Variants in CASZ1 observed in about 807,000 individuals in gnomAD.
The protein encoded by CASZ1 is castor zinc finger 1.
A neutral mutation model predicts 135.2 loss-of-function variants in CASZ1; 28 were observed. The ratio of observed to expected loss-of-function variants is 0.21; its 90% confidence interval spans 0.15 to 0.28. The LOEUF (loss-of-function observed/expected upper bound fraction) is 0.28. Among genes scored for constraint, CASZ1 ranks in the 10% least tolerant of loss-of-function variants. The pLI is 1.00. For synonymous variants in CASZ1, 1,068 were observed against 1,073.4 expected (o/e 0.99, Z 0.10); for missense variants, 2,161 against 2,453.3 (o/e 0.88, Z 2.52).
Position 10,709,964 on chromosome 1 carries a change from C to T in CASZ1, c.-76-4420G>A, listed in dbSNP as rs183295308. On this transcript the variant is annotated intron_variant, in intron 2 of 20. Coordinates refer to ENST00000377022, the MANE Select transcript of CASZ1 (RefSeq NM_001079843.3). This position sits in a 1 kb window ranked among gnomAD's most constrained non-coding sequence, Gnocchi z 5.1. ...GGGGTGGCTGTCCAGACCCCGGAGTCGGAGCAGGCCTCCGGATTGGCTCTG... is the reference window on the plus strand; with the variant it reads ...GGGGTGGCTGTCCAGACCCCGGAGTTGGAGCAGGCCTCCGGATTGGCTCTG... Among the ~76,000 whole-genome samples the T allele has an allele frequency of 4.6e-5, 7 of 152,156 alleles. No homozygotes were observed. The highest frequency in any genetic ancestry group is 1.4e-4 in the African/African-American group (6 of 41,442).
intron 2 of CASZ1, among the ~76,000 whole-genome samples, chr1:10,728,892 G>GC (rs1298420205): frequency 7.2e-5 from 11 of 152,236 alleles, no homozygotes; most frequent in African/African-American, 1.9e-4. Context: ...CACGGGGGCC[G>GC]CAGGCCCTTT....
rs527266834 is a variant in CASZ1, at chr1:10,646,572, G to A, written c.3498-246C>T. On this transcript the variant is annotated intron_variant, in intron 16 of 20. Coordinates refer to ENST00000377022, the MANE Select transcript of CASZ1 (RefSeq NM_001079843.3). The surrounding 1 kb of genome is among the most constrained non-coding windows in gnomAD (Gnocchi z 6.4). ...GATTGCAATATGCAGGGTGCCCAGA[G>A]CATTGCATGCTGGGACAAGTAGTTT... 2.0e-5 allele frequency among the ~76,000 whole-genome samples: 3 copies of A among 152,374 alleles called. No individual in the cohort carries two copies. The highest frequency in any genetic ancestry group is 4.1e-4 in the South Asian group (2 of 4,832).
In CASZ1 at chr1:10,654,211, C is replaced by T. The variant is rs369177667; in HGVS notation, c.1846G>A (p.Gly616Ser). The T allele has an allele frequency of 3.5e-5, 56 of 1,613,866 alleles. No individual in the cohort carries two copies. The highest frequency in any genetic ancestry group is 1.2e-4 in the African/African-American group (9 of 74,926). ...KTTHFHCRRP[G>S]CTFTFKNKCD... ...TTGTTCTTGAAAGTGAATGTGCAGC[C>T]GGGGCGCCTGGATGGGACATTGGGA... The change falls in exon 11 of 21, where the codon GGC becomes AGC. Residue 616 changes from glycine (G) to serine (S), a missense_variant. Transcript: ENST00000377022.
intron 4 of CASZ1, among the ~76,000 whole-genome samples, chr1:10,669,032 G>A (rs768104234): frequency 6.6e-6 from 1 of 152,220 alleles, no homozygotes; most frequent in African/African-American, 2.4e-5. Context: ...AGGGCGCCAC[G>A]AGCAGCAGGT....
intron 1 of CASZ1, 124 bp from the exon 2 acceptor site, chr1:10,760,981 G>C (rs1015880659): frequency 1.3e-5 from 2 of 152,278 alleles, no homozygotes; most frequent in Non-Finnish European, 1.5e-5. Context: ...AGCCAGCCAG[G>C]TAAGAGATTC....
chr1:10,758,285 CTGG>C (rs1640296365), intron 2 of CASZ1, among the ~76,000 whole-genome samples: 1 of 149,982 alleles, frequency 6.7e-6, no homozygotes, highest in Non-Finnish European at 1.5e-5. Context: ...ACTCTGTTTG[CTGG>C]TGAGTGACTG....
At position 10,759,647 on chromosome 1, in the gene CASZ1, G is replaced by A. The variant is rs148424568; in HGVS notation, c.-77+1054C>T. ...AACCCCAGTGCGCACCAAGGCTCCC[G>A]TCTCTGCAAGCGCTTCCTCCCTGCA... On this transcript the variant is annotated intron_variant, in intron 2 of 20. Coordinates refer to ENST00000377022, the MANE Select transcript of CASZ1 (RefSeq NM_001079843.3). The surrounding 1 kb of genome is among the most constrained non-coding windows in gnomAD (Gnocchi z 4.2). Among the ~76,000 whole-genome samples the A allele has an allele frequency of 3.3e-4, 50 of 152,266 alleles. No homozygotes were observed. Among genetic ancestry groups the A allele is most frequent in the African/African-American group, 1.2e-3 (49 of 41,544 alleles).
Position 10,690,743 on chromosome 1 carries a change from G to A in CASZ1, c.16+3131C>T, listed in dbSNP as rs1239291493. On this transcript the variant is annotated intron_variant, in intron 4 of 20. Transcript: ENST00000377022. ...TGCCTCTTTGGCCCTTGACCTTGTAGAGCCTATCTTGGCTCCTCCGCGCCT... is the reference window on the plus strand; with the variant it reads ...TGCCTCTTTGGCCCTTGACCTTGTAAAGCCTATCTTGGCTCCTCCGCGCCT... Among the ~76,000 whole-genome samples the A allele has an allele frequency of 3.9e-5, 6 of 152,332 alleles. No homozygotes were observed. The South Asian group carries it at 1.2e-3, about 32-fold the overall frequency.
At chr1:10,793,913 G>C (rs1007120477) in intron 1 of CASZ1, among the ~76,000 whole-genome samples, 5 of 152,166 alleles carry the variant, frequency 3.3e-5, no homozygotes, top group Non-Finnish European at 7.4e-5. Context: ...GGCGCGGGCG[G>C]CCGGAGATTG....
intron 3 of CASZ1, among the ~76,000 whole-genome samples, chr1:10,696,118 G>A (rs149671271): frequency 1.1e-3 from 169 of 152,336 alleles, no homozygotes; most frequent in African/African-American, 3.5e-3. Context: ...AAAGACATCA[G>A]GGAGTTAACA....
rs1432821004 is a variant in CASZ1, at chr1:10,727,459, G to A, written c.-76-21915C>T. Reference sequence around the variant, plus strand: ...ACACCCCAGCTCCTTGAACCCCCGGGCCCAGGGGATTCAGCACAGCCCAAC... The same window carrying A: ...ACACCCCAGCTCCTTGAACCCCCGGACCCAGGGGATTCAGCACAGCCCAAC... On this transcript the variant is annotated intron_variant, in intron 2 of 20. Coordinates refer to ENST00000377022, the MANE Select transcript of CASZ1 (RefSeq NM_001079843.3). The surrounding 1 kb of genome is among the most constrained non-coding windows in gnomAD (Gnocchi z 5.3). 6.6e-6 allele frequency among the ~76,000 whole-genome samples: 1 copy of A among 151,648 alleles called. No homozygotes were observed. The highest frequency in any genetic ancestry group is 2.4e-5 in the African/African-American group (1 of 41,290).
chr1:10,786,953 T>A (rs74052200), intron 1 of CASZ1, among the ~76,000 whole-genome samples: 1 of 152,094 alleles, frequency 6.6e-6, no homozygotes, highest in Non-Finnish European at 1.5e-5. Flanking sequence ...TGGAATGGAA[T>A]TCACAGGGGT....
Position 10,707,569 on chromosome 1 carries a change from A to G in CASZ1, c.-76-2025T>C, listed in dbSNP as rs1397391730. On this transcript the variant is annotated intron_variant, in intron 2 of 20. Transcript: ENST00000377022. The surrounding 1 kb of genome is among the most constrained non-coding windows in gnomAD (Gnocchi z 5.0). ...AGGGGAGGGCCAGAGATGTGTACGT[A>G]CAGGGACCAGGACATGCACGGGGTC... Among the ~76,000 whole-genome samples the G allele has an allele frequency of 6.6e-6, 1 of 152,070 alleles. No homozygotes were observed. Among genetic ancestry groups the G allele is most frequent in the Non-Finnish European group, 1.5e-5 (1 of 68,022 alleles).
chr1:10,668,428 T>C (rs1334709033), intron 4 of CASZ1, among the ~76,000 whole-genome samples: 1 of 152,218 alleles, frequency 6.6e-6, no homozygotes, highest in Non-Finnish European at 1.5e-5. Context: ...CTATTTACAC[T>C]GGACACTTCC....
rs1642667577 is a variant in CASZ1 at position 10,653,487 on chromosome 1, G to A, written c.2570C>T (p.Ala857Val). ...CCTCTCCATGATGGAGGCGGGTGGT[G>A]CCGGGACAGAGGCGGCAGCCACGGG... ...SAPVAAASVP[A>V]PPASIMERIS... Residue 857 changes from alanine (A) to valine (V), a missense_variant, in exon 11 of 21, where the codon GCA (alanine) becomes GTA (valine). By Grantham distance (64) the Ala-to-Val change is moderately conservative. This residue lies in a region of CASZ1 where 406 missense variants were observed against 387.6 expected (regional missense o/e 1.05). Coordinates refer to ENST00000377022, the MANE Select transcript of CASZ1 (RefSeq NM_001079843.3). 3.1e-6 allele frequency: 5 copies of A among 1,612,590 alleles called. No homozygotes were observed. The highest frequency in any genetic ancestry group is 2.7e-5 in the African/African-American group (2 of 74,938).
In CASZ1 at chr1:10,792,434, T is replaced by C. The variant is rs1055650021; in HGVS notation, c.-234+4130A>G. 2.8e-5 allele frequency among the ~76,000 whole-genome samples: 4 copies of C among 142,844 alleles called. No homozygotes were observed. In the Admixed American group the frequency reaches 3.0e-4, roughly 11 times the overall value. 93.7% of individuals were successfully genotyped at this position (142,844 alleles called of 152,430 possible). A position where few individuals can be genotyped will look rare whatever the true frequency, so the allele number is the denominator to read the frequency against. ...AAAGCAGTATATTCAGAAAGCACCA[T>C]CTCTATGGAAGAACATTCACTCCCC... On this transcript the variant is annotated intron_variant, in intron 1 of 20. Transcript: ENST00000377022.
At chr1:10,786,033 G>A (rs542747228) in intron 1 of CASZ1, among the ~76,000 whole-genome samples, 2 of 152,278 alleles carry the variant, frequency 1.3e-5, no homozygotes, top group East Asian at 1.9e-4. Context: ...GATCCCACGC[G>A]CCGCTCCCTC....
rs781101784 is a variant in CASZ1 at position 10,653,971 on chromosome 1, G to A, written c.2086C>T (p.His696Tyr). The change falls in exon 11 of 21, where the codon CAC (histidine) becomes TAC (tyrosine). Residue 696 changes from histidine to tyrosine, a missense_variant. Physicochemically the swap from His to Tyr is moderately conservative, Grantham distance 83. Around this residue, in one of 7 missense-constraint regions of CASZ1, gnomAD observed 248 missense variants for 410.8 expected, o/e 0.60. Transcript: ENST00000377022. ...TSHKRKHERRHIRSSGALGLP... is the reference protein window; with the variant it reads ...TSHKRKHERRYIRSSGALGLP... ...CCCAGCGCGCCCGAGGAGCGGATGT[G>A]CCGGCGCTCATGCTTGCGCTTGTGA... 2.0e-5 allele frequency: 32 copies of A among 1,613,836 alleles called. No homozygotes were observed. The highest frequency in any genetic ancestry group is 8.5e-7 in the Non-Finnish European group (1 of 1,179,910).
chr1:10,744,817 T>A (rs1640008875), intron 2 of CASZ1, among the ~76,000 whole-genome samples: 1 of 152,136 alleles, frequency 6.6e-6, no homozygotes, highest in Admixed American at 6.5e-5. Flanking sequence ...CAGCTCTTAT[T>A]TAAAGAGCTG....
Sources: allele counts gnomAD v4.1 joint callset (sites outside exome capture counted in the v4.1 genomes callset), GRCh38; gene constraint gnomAD v4.1.1; regional missense constraint gnomAD v4.1.1; non-coding constraint Gnocchi (gnomAD v3.1); transcripts MANE v1.5; gene names NCBI Gene and HGNC (gene_info 2026-07-23, HGNC 2026-07-21).